Variants in NADSYN1 observed in about 807,000 individuals in gnomAD.
NADSYN1 encodes the protein NAD synthetase 1.
A neutral mutation model predicts 99.3 loss-of-function variants in NADSYN1; 80 were observed. The ratio of observed to expected loss-of-function variants is 0.81; its 90% CI spans 0.67 to 0.97. NADSYN1 has a LOEUF of 0.97. Ranked by LOEUF, NADSYN1 falls within the 50% of genes least tolerant of loss-of-function variation. The pLI is 0.00. For missense variants in NADSYN1, 859 were observed against 948.5 expected (o/e 0.91, Z 1.24); for synonymous variants, 385 against 372.1 (o/e 1.03, Z -0.40).
At chr11:71,496,434 C>T (rs1051963849) in intron 18 of NADSYN1, 6 of 152,366 alleles carry the variant, frequency 3.9e-5, no homozygotes, top group African/African-American at 1.4e-4. Context: ...CTCGCTTGCA[C>T]AGTTCACAAC....
At chr11:71,477,545 C>T (rs374766593) in intron 9 of NADSYN1, 7 of 876,876 alleles carry the variant, frequency 8.0e-6, no homozygotes, top group Admixed American at 3.3e-5. Flanking sequence ...GTCCCACACT[C>T]GTGTTTAGCA....
chr11:71,459,303 G>C (rs888388854), intron 3 of NADSYN1, among the ~76,000 whole-genome samples: 1 of 146,856 alleles, frequency 6.8e-6, no homozygotes, highest in South Asian at 2.2e-4. Context: ...CTCTGTGTGC[G>C]CTGTGCTGGC....
chr11:71,474,898 T>C, intron 9 of NADSYN1: 1 of 328,216 alleles, frequency 3.0e-6, no homozygotes, highest in Non-Finnish European at 6.1e-6. Flanking sequence ...AGTGGACGGA[T>C]GAGGTTGAGG....
intron 14 of NADSYN1, 129 bp downstream of exon 14, chr11:71,483,146 A>G: frequency 8.7e-7 from 1 of 1,147,060 alleles, no homozygotes; most frequent in Non-Finnish European, 1.3e-6. Flanking sequence ...CTATGTGGAT[A>G]AACGTGTAAG....
intron 16 of NADSYN1, among the ~76,000 whole-genome samples, chr11:71,487,944 C>T (rs146867303): frequency 1.3e-5 from 2 of 152,286 alleles, no homozygotes; most frequent in Admixed American, 6.5e-5. Context: ...AGACACTCCC[C>T]TCATGATGTA....
At chr11:71,496,338 A>T (rs983856886) in intron 18 of NADSYN1, 1 of 152,264 alleles carries the variant, frequency 6.6e-6, no homozygotes, top group African/African-American at 2.4e-5. Flanking sequence ...CCACAAACAG[A>T]GGGTTGGAGA....
At chr11:71,491,949 CCTCCT>C in intron 18 of NADSYN1, 46 bp downstream of exon 18, 1 of 1,566,952 alleles carries the variant, frequency 6.4e-7, no homozygotes, top group Non-Finnish European at 8.7e-7. Context: ...CTCCTCCCCA[CCTCCT>C]GTGTGGTGGT....
rs117526565 is a variant in NADSYN1 at position 71,470,176 on chromosome 11, T to C, written c.408-2273T>C. Among the ~76,000 whole-genome samples, 387 of 152,280 alleles carry C rather than the reference T, an allele frequency of 2.5e-3. 9 individuals carry two copies. The East Asian group carries it at 0.061, about 24-fold the overall frequency. ...TCAAATCTCCTAAGGCTTACTGCCATGAGAACAGTATGGGGGAACCTGCCC... is the reference window on the plus strand; with the variant it reads ...TCAAATCTCCTAAGGCTTACTGCCACGAGAACAGTATGGGGGAACCTGCCC... On this transcript the variant is annotated intron_variant, in intron 5 of 20. Coordinates refer to ENST00000319023, the MANE Select transcript of NADSYN1 (RefSeq NM_018161.5).
chr11:71,457,676 G>A (rs1335773693), intron 2 of NADSYN1, among the ~76,000 whole-genome samples: 1 of 152,158 alleles, frequency 6.6e-6, no homozygotes, highest in African/African-American at 2.4e-5. Flanking sequence ...AGGCTCTTGG[G>A]GAGGGTCCCT....
chr11:71,489,487 T>C (rs917298765), intron 16 of NADSYN1, among the ~76,000 whole-genome samples: 1 of 152,176 alleles, frequency 6.6e-6, no homozygotes, highest in Non-Finnish European at 1.5e-5. Flanking sequence ...CCCCAGACTG[T>C]GCTCTCTGAG....
chr11:71,469,927 G>GAAAAAAAAAAAAAAAAAA (rs749801544), intron 5 of NADSYN1, among the ~76,000 whole-genome samples: 10 of 109,160 alleles, frequency 9.2e-5, no homozygotes, highest in South Asian at 8.0e-4. Flanking sequence ...GCCTGTCTCA[G>GAAAAAAAAAAAAAAAAAA]AAAAAAAAAA....
chr11:71,481,403 A>G lies in NADSYN1; in HGVS notation c.1046A>G (p.Gln349Arg). The change falls in exon 12 of 21, where the codon CAG (glutamine) becomes CGG (arginine). Residue 349 changes from glutamine (Q) to arginine (R), a missense_variant and splice_region_variant. Physicochemically the swap from Gln to Arg is conservative, Grantham distance 43. Transcript: ENST00000319023. ...TGGGATTTTTTAAGACGAAGTCAACAGGTAAGACTTCCAGTTTCTAGTGAG... is the reference window on the plus strand; with the variant it reads ...TGGGATTTTTTAAGACGAAGTCAACGGGTAAGACTTCCAGTTTCTAGTGAG... ...WLWDFLRRSQQAGFLLPLSGG... is the reference protein window; with the variant it reads ...WLWDFLRRSQRAGFLLPLSGG... 6.2e-7 allele frequency: 1 copy of G among 1,613,614 alleles called. No homozygotes were observed.
At chr11:71,463,791 G>T (rs1356016350) in intron 4 of NADSYN1, among the ~76,000 whole-genome samples, 1 of 152,178 alleles carries the variant, frequency 6.6e-6, no homozygotes, top group East Asian at 1.9e-4. Context: ...AGTTCCCTTG[G>T]AGCGCCTGGT....
At position 71,501,635 on chromosome 11, in the gene NADSYN1, G is replaced by T; in HGVS notation, c.*283G>T. 2.1e-6 allele frequency: 1 copy of T among 467,868 alleles called. No homozygotes were observed. The highest frequency in any genetic ancestry group is 3.8e-6 in the Non-Finnish European group (1 of 262,266). The allele number at this position is 467,868 out of a possible 1,614,324, so 29.0% of individuals were successfully genotyped here. On this transcript the variant is annotated 3_prime_UTR_variant, in exon 21 of 21. Coordinates refer to ENST00000319023, the MANE Select transcript of NADSYN1 (RefSeq NM_018161.5). ...CCGAAGGAAGCCGCCTGGGTAGGAG[G>T]GTTCCAACCGCCGCCCCGTGTGGCA...
At chr11:71,465,138 G>T (rs1315115884) in intron 5 of NADSYN1, among the ~76,000 whole-genome samples, 1 of 152,136 alleles carries the variant, frequency 6.6e-6, no homozygotes, top group Admixed American at 6.5e-5. Flanking sequence ...AGAGGCAGGG[G>T]CTGGAGGGAA....
At chr11:71,454,617 G>A (rs1249222598) in intron 1 of NADSYN1, among the ~76,000 whole-genome samples, 1 of 152,136 alleles carries the variant, frequency 6.6e-6, no homozygotes, top group African/African-American at 2.4e-5. Context: ...TTTCCACTCT[G>A]CCAGCCTCTC....
intron 1 of NADSYN1, among the ~76,000 whole-genome samples, chr11:71,453,859 TG>T (rs892409565): frequency 1.3e-5 from 2 of 151,970 alleles, no homozygotes; most frequent in Admixed American, 1.3e-4. Context: ...CCCAGCATTT[TG>T]GGGGGGCCGG....
chr11:71,488,291 C>T (rs1033328124), intron 16 of NADSYN1, among the ~76,000 whole-genome samples: 7 of 151,404 alleles, frequency 4.6e-5, no homozygotes, highest in Non-Finnish European at 1.0e-4. Flanking sequence ...AGGAAACGTC[C>T]GCCGAGAGAG....
intron 8 of NADSYN1, 104 bp from the exon 9 acceptor site, chr11:71,474,291 G>C: frequency 1.4e-6 from 2 of 1,478,718 alleles, no homozygotes; most frequent in Non-Finnish European, 1.9e-6. Context: ...GGACCACTCA[G>C]GATGACCTAG....
Sources: gnomAD v4.1 joint callset for allele counts (sites outside exome capture counted in the v4.1 genomes callset) on GRCh38, gnomAD v4.1.1 for gene constraint, MANE v1.5 for transcripts, NCBI Gene and HGNC (gene_info 2026-07-23, HGNC 2026-07-21) for gene names.